The following SV2C variants were observed in gnomAD, a reference collection of about 807,000 sequenced individuals.
SV2C encodes solute carrier family 22 member B3.
Under a neutral mutation model 79.7 loss-of-function variants are expected in SV2C, and 49 were observed. The observed-to-expected ratio is 0.61, with a 90% CI of 0.49 to 0.78. SV2C has a LOEUF of 0.78. SV2C is among the 30% of genes least tolerant of loss of function. The pLI, the probability that SV2C is intolerant of heterozygous loss-of-function variation, is 0.00. For synonymous variants in SV2C, 334 were observed against 333.2 expected (o/e 1.00, Z -0.03); for missense variants, 833 against 912.9 (o/e 0.91, Z 1.13).
intron 12 of SV2C, among the ~76,000 whole-genome samples, chr5:76,344,474 C>T (rs1453830205): frequency 2.0e-5 from 3 of 152,240 alleles, no homozygotes; most frequent in African/African-American, 4.8e-5. Context: ...TTTGGGAGGC[C>T]AAGGCGGGCG....
At chr5:76,148,417 C>T (rs553437325) in intron 2 of SV2C, among the ~76,000 whole-genome samples, 35 of 152,112 alleles carry the variant, frequency 2.3e-4, no homozygotes, top group African/African-American at 8.2e-4. Context: ...GGTCACTGGC[C>T]GTGACTATTC....
the SV2C span, among the ~76,000 whole-genome samples, chr5:75,962,152 G>C: frequency 6.6e-6 from 1 of 152,072 alleles, no homozygotes; most frequent in Non-Finnish European, 1.5e-5. Context: ...TCATGAGAGT[G>C]GGTATTTAGG....
At chr5:75,912,364 G>A in the SV2C span, among the ~76,000 whole-genome samples, 1 of 152,046 alleles carries the variant, frequency 6.6e-6, no homozygotes, top group Admixed American at 6.5e-5. Flanking sequence ...GTGGTGGCAG[G>A]CACCTGTAGT....
the SV2C span, among the ~76,000 whole-genome samples, chr5:75,916,910 A>T: frequency 2.0e-4 from 30 of 152,336 alleles, no homozygotes; most frequent in African/African-American, 7.0e-4. Context: ...GCTTTCAGCC[A>T]ACGAAGGTTG....
chr5:76,243,456 G>A (rs1412476109), intron 4 of SV2C, among the ~76,000 whole-genome samples: 1 of 152,152 alleles, frequency 6.6e-6, no homozygotes, highest in Non-Finnish European at 1.5e-5. Flanking sequence ...CATCTTCTGG[G>A]CTTGCCATAA....
intron 12 of SV2C, among the ~76,000 whole-genome samples, chr5:76,303,128 G>C (rs1748066899): frequency 6.6e-6 from 1 of 152,136 alleles, no homozygotes; most frequent in African/African-American, 2.4e-5. Context: ...AACCCTGGAT[G>C]TCTGCTTATC....
intron 4 of SV2C, among the ~76,000 whole-genome samples, chr5:76,266,971 A>T (rs1428031154): frequency 6.6e-6 from 1 of 152,180 alleles, no homozygotes; most frequent in African/African-American, 2.4e-5. Context: ...GACACTTCCA[A>T]ACTGGGAGGT....
intron 2 of SV2C, among the ~76,000 whole-genome samples, chr5:76,158,514 A>C (rs549130360): frequency 6.6e-6 from 1 of 152,136 alleles, no homozygotes; most frequent in African/African-American, 2.4e-5. Context: ...TTATAGACAT[A>C]TATCCAGTAA....
the SV2C span, among the ~76,000 whole-genome samples, chr5:75,926,473 G>A: frequency 0.2 from 30,489 of 152,054 alleles, 3,114 homozygotes; most frequent in Middle Eastern, 0.23. Flanking sequence ...TAATTCTTAA[G>A]CACATAAATC....
At chr5:76,263,068 G>A (rs182464905) in intron 4 of SV2C, among the ~76,000 whole-genome samples, 23 of 152,262 alleles carry the variant, frequency 1.5e-4, no homozygotes, top group African/African-American at 5.5e-4. Context: ...GGGAGTCTAA[G>A]TCTCTATGTA....
At chr5:75,939,982 T>C in the SV2C span, among the ~76,000 whole-genome samples, 5,213 of 152,258 alleles carry the variant, frequency 0.034, 301 homozygotes, top group African/African-American at 0.12. Context: ...TCCATCGTCC[T>C]GAGAACTGAA....
the SV2C span, among the ~76,000 whole-genome samples, chr5:75,997,626 A>C: frequency 0.08 from 12,153 of 152,214 alleles, 620 homozygotes; most frequent in African/African-American, 0.14. Flanking sequence ...AAATGCAAAT[A>C]AAAACCACAA....
chr5:76,264,910 GAGTC>G (rs1746601195), intron 4 of SV2C, among the ~76,000 whole-genome samples: 1 of 152,360 alleles, frequency 6.6e-6, no homozygotes, highest in Admixed American at 6.5e-5. Context: ...GGAGACATGG[GAGTC>G]AGGGACCTAC....
intron 4 of SV2C, among the ~76,000 whole-genome samples, chr5:76,268,603 G>A (rs1746739880): frequency 6.6e-6 from 1 of 152,210 alleles, no homozygotes; most frequent in African/African-American, 2.4e-5. Flanking sequence ...CCATTTTTAT[G>A]AGACAAGAAC....
chr5:75,916,313 G>A, the SV2C span, among the ~76,000 whole-genome samples: 60 of 74,934 alleles, frequency 8.0e-4, no homozygotes, highest in Admixed American at 2.9e-3. Context: ...CCCCTTTCTC[G>A]TCCTCTTCCT....
intron 4 of SV2C, among the ~76,000 whole-genome samples, chr5:76,256,094 C>T (rs1354847042): frequency 6.6e-6 from 1 of 152,326 alleles, no homozygotes; most frequent in South Asian, 2.1e-4. Context: ...ATGCTTGACC[C>T]TTGGGTTCTT....
the SV2C span, among the ~76,000 whole-genome samples, chr5:75,940,165 T>G: frequency 6.6e-6 from 1 of 152,112 alleles, no homozygotes; most frequent in African/African-American, 2.4e-5. Context: ...ACAAACAAAA[T>G]TGAGCCTAGG....
chr5:76,145,469 A>T (rs936763755), intron 2 of SV2C, among the ~76,000 whole-genome samples: 3 of 152,182 alleles, frequency 2.0e-5, no homozygotes, highest in African/African-American at 7.2e-5. Flanking sequence ...GTCCAAAGAG[A>T]AGAGAAAGAG....
chr5:76,299,018 C>G, intron 10 of SV2C, 91 bp downstream of exon 10: 1 of 1,380,510 alleles, frequency 7.2e-7, no homozygotes, highest in Non-Finnish European at 9.7e-7. Flanking sequence ...GAGGCTTATG[C>G]GGGAAGTGGA....
Sources: allele counts gnomAD v4.1 joint callset (sites outside exome capture counted in the v4.1 genomes callset), GRCh38; gene constraint gnomAD v4.1.1; transcripts MANE v1.5; gene names NCBI Gene and HGNC (gene_info 2026-07-23, HGNC 2026-07-21).